NEDD9: variants seen among roughly 807,000 people sequenced by gnomAD.
NEDD9 encodes neural precursor cell expressed, developmentally down-regulated 9, also known as enhancer of filamentation 1.
NEDD9 carries 26 observed loss-of-function variants against 76.6 expected under a neutral mutation model. The observed-to-expected ratio is 0.34, with a 90% CI of 0.25 to 0.47. NEDD9 has a LOEUF of 0.47. Ranked by LOEUF, NEDD9 falls within the 20% of genes least tolerant of loss-of-function variation. NEDD9 has a pLI of 1.00. For synonymous variants in NEDD9, 392 were observed against 414.2 expected (o/e 0.95, Z 0.65); for missense variants, 937 against 1,058.5 (o/e 0.89, Z 1.59).
intron 3 of NEDD9, among the ~76,000 whole-genome samples, chr6:11,268,308 G>A (rs1343215845): frequency 6.6e-6 from 1 of 152,138 alleles, no homozygotes; most frequent in Non-Finnish European, 1.5e-5. Context: ...TGGGATTACA[G>A]GCGGGAGCCA....
At chr6:11,300,727 G>A (rs961264472) in intron 3 of NEDD9, among the ~76,000 whole-genome samples, 2 of 152,150 alleles carry the variant, frequency 1.3e-5, no homozygotes, top group African/African-American at 4.8e-5. Context: ...TTAAAGAAAA[G>A]AATTTTCAAC....
At chr6:11,342,384 C>T (rs531275295) in intron 1 of NEDD9, among the ~76,000 whole-genome samples, 3 of 148,896 alleles carry the variant, frequency 2.0e-5, no homozygotes, top group Non-Finnish European at 4.4e-5. Context: ...GTACATCAGT[C>T]AAATGACTGA....
chr6:11,355,135 A>G (rs1379233966), intron 1 of NEDD9, among the ~76,000 whole-genome samples: 1 of 152,206 alleles, frequency 6.6e-6, no homozygotes. Context: ...CCAAAGAGAA[A>G]ATGCATATGG....
At chr6:11,227,890 T>C (rs1280543238) in intron 1 of NEDD9, among the ~76,000 whole-genome samples, 1 of 151,512 alleles carries the variant, frequency 6.6e-6, no homozygotes, top group African/African-American at 2.4e-5. Flanking sequence ...TTAAACAGAG[T>C]GGATGGATGA....
At chr6:11,287,266 A>G (rs1439778099) in intron 3 of NEDD9, among the ~76,000 whole-genome samples, 3 of 152,096 alleles carry the variant, frequency 2.0e-5, no homozygotes, top group Non-Finnish European at 4.4e-5. Context: ...CATCTCTACT[A>G]AAAATACAAA....
chr6:11,200,626 C>A, intron 2 of NEDD9: 1 of 1,114,964 alleles, frequency 9.0e-7, no homozygotes. Flanking sequence ...TTTAATCATT[C>A]CTAAATTTAA....
chr6:11,339,140 T>C (rs1470956900), intron 1 of NEDD9, among the ~76,000 whole-genome samples: 1 of 152,208 alleles, frequency 6.6e-6, no homozygotes, highest in East Asian at 1.9e-4. Flanking sequence ...TGCAACCTTA[T>C]GTATGTGCAG....
chr6:11,332,217 T>C (rs1018934098), intron 2 of NEDD9, among the ~76,000 whole-genome samples: 1 of 152,256 alleles, frequency 6.6e-6, no homozygotes, highest in African/African-American at 2.4e-5. Context: ...TTGTAGGCCC[T>C]GCATTACCTT....
chr6:11,239,476 C>T (rs1759667265), intron 3 of NEDD9, among the ~76,000 whole-genome samples: 1 of 152,204 alleles, frequency 6.6e-6, no homozygotes, highest in South Asian at 2.1e-4. Flanking sequence ...AGGGAATGAG[C>T]TCCTCTCACT....
At chr6:11,258,257 C>T (rs1275124595) in intron 3 of NEDD9, among the ~76,000 whole-genome samples, 4 of 152,172 alleles carry the variant, frequency 2.6e-5, no homozygotes, top group Non-Finnish European at 4.4e-5. Context: ...CATGTGCTTA[C>T]CAGGGAGGCT....
In NEDD9 at chr6:11,191,150, T is replaced by G; in HGVS notation, c.719A>C (p.Asp240Ala). The G allele has an allele frequency of 6.2e-7, 1 of 1,613,782 alleles. No individual in the cohort carries two copies. Among genetic ancestry groups the G allele is most frequent in the Non-Finnish European group, 8.5e-7 (1 of 1,179,890 alleles). The change falls in exon 5 of 7, where the codon GAC (aspartate) becomes GCC (alanine). Residue 240 changes from aspartate to alanine, a missense_variant. Transcript: ENST00000379446. Reference protein sequence around the residue: ...CRDEAGLREKDYDFPPPMRQA... With the variant: ...CRDEAGLREKAYDFPPPMRQA... ...TCTCATGGGAGGGGGGAAGTCATAG[T>G]CTTTTTCCCTAAGCCCTGCTTCATC...
chr6:11,266,704 G>C (rs1358741035), intron 3 of NEDD9, among the ~76,000 whole-genome samples: 2 of 152,162 alleles, frequency 1.3e-5, no homozygotes, highest in African/African-American at 4.8e-5. Flanking sequence ...TGTAACCAGT[G>C]GTCTGAGTCT....
At chr6:11,275,904 T>TA (rs1225016985) in intron 3 of NEDD9, among the ~76,000 whole-genome samples, 2 of 152,008 alleles carry the variant, frequency 1.3e-5, no homozygotes, top group East Asian at 1.9e-4. Context: ...GCACCCACAT[T>TA]AAAAAAAATG....
At chr6:11,301,594 T>C (rs1761046000) in intron 3 of NEDD9, among the ~76,000 whole-genome samples, 2 of 152,124 alleles carry the variant, frequency 1.3e-5, no homozygotes, top group South Asian at 4.1e-4. Context: ...GCACTTATTC[T>C]AAAATTGACC....
intron 3 of NEDD9, among the ~76,000 whole-genome samples, chr6:11,294,964 G>A (rs62395326): frequency 0.019 from 2,850 of 152,314 alleles, 33 homozygotes; most frequent in Middle Eastern, 0.031. Flanking sequence ...CACAAGATCT[G>A]ATGGTTTTGT....
chr6:11,222,642 A>G (rs1025295829), intron 1 of NEDD9, among the ~76,000 whole-genome samples: 3 of 152,264 alleles, frequency 2.0e-5, no homozygotes, highest in South Asian at 2.1e-4. Context: ...TGCATGTTCC[A>G]TGATGAGGTA....
intron 1 of NEDD9, among the ~76,000 whole-genome samples, chr6:11,226,768 G>T (rs531490402): frequency 5.9e-5 from 9 of 152,022 alleles, no homozygotes; most frequent in Non-Finnish European, 1.2e-4. Flanking sequence ...ATCTTTGTGG[G>T]TATGTGTATA....
At chr6:11,301,488 G>A (rs1207203907) in intron 3 of NEDD9, among the ~76,000 whole-genome samples, 2 of 152,094 alleles carry the variant, frequency 1.3e-5, no homozygotes, top group Non-Finnish European at 2.9e-5. Context: ...GATATCGAGG[G>A]CTTGAACTCA....
rs187924151 is a variant in NEDD9 at position 11,293,628 on chromosome 6, G to A, written c.12+12364C>T. ...TCACACCATGACCGTCTATGTGTGT[G>A]TGTGTGCGTGTTGAGAATATTTAAG... On this transcript the variant is annotated intron_variant, in intron 3 of 3. Transcript: ENST00000397378. Among the ~76,000 whole-genome samples the A allele has an allele frequency of 1.3e-3, 193 of 152,288 alleles. 3 individuals carry two copies. The highest frequency in any genetic ancestry group is 1.5e-4 in the Non-Finnish European group (10 of 68,014).
Sources: gnomAD v4.1 joint callset for allele counts (sites outside exome capture counted in the v4.1 genomes callset) on GRCh38, gnomAD v4.1.1 for gene constraint, MANE v1.5 for transcripts, NCBI Gene and HGNC (gene_info 2026-07-23, HGNC 2026-07-21) for gene names.